The following ADGRL2 variants were observed in gnomAD, a reference collection of about 807,000 sequenced individuals.
ADGRL2 encodes the protein adhesion G protein-coupled receptor L2.
In ADGRL2, 44 loss-of-function variants were observed where a neutral mutation model predicts 157.4. The ratio of observed to expected loss-of-function variants is 0.28; its 90% CI spans 0.22 to 0.36. The LOEUF (loss-of-function observed/expected upper bound fraction) is 0.36, where lower values mean the gene tolerates loss of function less well. ADGRL2 is among the 10% of genes least tolerant of loss of function. The pLI is 1.00. For missense variants in ADGRL2, 1,510 were observed against 1,768.9 expected (o/e 0.85, Z 2.63); for synonymous variants, 585 against 624.7 (o/e 0.94, Z 0.95).
intron 3 of ADGRL2, among the ~76,000 whole-genome samples, chr1:81,603,961 TTTTC>T (rs951518485): frequency 3.0e-5 from 4 of 131,240 alleles, no homozygotes; most frequent in Non-Finnish European, 6.5e-5. Flanking sequence ...CCCAATATCT[TTTTC>T]TTTTTTTTTT....
chr1:81,390,764 T>A (rs1332746140), intron 1 of ADGRL2, among the ~76,000 whole-genome samples: 2 of 152,426 alleles, frequency 1.3e-5, no homozygotes, highest in East Asian at 3.9e-4. Context: ...ATCTTCTTTT[T>A]TGGTACTGCA....
At chr1:81,434,546 A>G (rs1345656492) in intron 1 of ADGRL2, among the ~76,000 whole-genome samples, 1 of 152,184 alleles carries the variant, frequency 6.6e-6, no homozygotes, top group Non-Finnish European at 1.5e-5. Context: ...TGAGTGAACT[A>G]GTGAATAAGT....
At chr1:81,716,777 G>T (rs1222888029) in intron 1 of ADGRL2, among the ~76,000 whole-genome samples, 1 of 152,148 alleles carries the variant, frequency 6.6e-6, no homozygotes, top group Admixed American at 6.5e-5. Flanking sequence ...TGGACAGAAG[G>T]TAAATTACAG....
intron 1 of ADGRL2, among the ~76,000 whole-genome samples, chr1:81,393,413 C>T (rs2076595463): frequency 6.6e-6 from 1 of 150,428 alleles, no homozygotes; most frequent in Non-Finnish European, 1.5e-5. Context: ...CATTCAAGAA[C>T]ATTTATAAAG....
At chr1:81,809,200 T>A (rs1343970506) in intron 1 of ADGRL2, among the ~76,000 whole-genome samples, 3 of 151,992 alleles carry the variant, frequency 2.0e-5, no homozygotes, top group Admixed American at 2.0e-4. Context: ...TCTTTGAATT[T>A]CAGTGTTGAA....
intron 2 of ADGRL2, among the ~76,000 whole-genome samples, chr1:81,537,884 G>C (rs2079783254): frequency 6.6e-6 from 1 of 151,900 alleles, no homozygotes; most frequent in Non-Finnish European, 1.5e-5. Context: ...ATTTTTAGTA[G>C]AGACAGGATT....
chr1:81,680,463 T>C (rs956564609), intron 3 of ADGRL2, among the ~76,000 whole-genome samples: 1 of 152,154 alleles, frequency 6.6e-6, no homozygotes, highest in Admixed American at 6.5e-5. Context: ...CTTAGGGCTA[T>C]GTAGAAATCT....
intron 1 of ADGRL2, among the ~76,000 whole-genome samples, chr1:81,739,390 C>T (rs2085001316): frequency 6.6e-6 from 1 of 152,096 alleles, no homozygotes; most frequent in African/African-American, 2.4e-5. Context: ...TAGTAATTGC[C>T]CAATAAATTA....
intron 1 of ADGRL2, among the ~76,000 whole-genome samples, chr1:81,325,721 C>T (rs1570625059): frequency 6.6e-6 from 1 of 152,278 alleles, no homozygotes; most frequent in African/African-American, 2.4e-5. Flanking sequence ...TCATGTTGTG[C>T]TTAAACTTAG....
intron 1 of ADGRL2, among the ~76,000 whole-genome samples, chr1:81,802,121 G>C (rs990092780): frequency 6.7e-6 from 1 of 150,254 alleles, no homozygotes; most frequent in African/African-American, 2.4e-5. Flanking sequence ...GGACCCGCTC[G>C]CGGCCGGCCT....
chr1:81,364,827 C>A (rs779884795), intron 1 of ADGRL2, among the ~76,000 whole-genome samples: 1 of 151,608 alleles, frequency 6.6e-6, no homozygotes, highest in African/African-American at 2.4e-5. Context: ...AGTCTCCTAG[C>A]GAATTTTTAT....
In ADGRL2 at chr1:81,831,957, C is replaced by T. The variant is rs113836009; in HGVS notation, c.-100-4928C>T. Among the ~76,000 whole-genome samples, 79 of 152,176 alleles carry T rather than the reference C, an allele frequency of 5.2e-4. 1 individual carries two copies. Among genetic ancestry groups the T allele is most frequent in the Middle Eastern group, 3.4e-3 (1 of 294 alleles). ...AGTAATTTCAGTTGAGTTATTTTAC[C>T]TCTCGGAGCCTCAGATTTCTGACCT... On this transcript the variant is annotated intron_variant, in intron 1 of 23. Coordinates refer to ENST00000686636, the MANE Select transcript of ADGRL2 (RefSeq NM_001366006.2).
intron 1 of ADGRL2, among the ~76,000 whole-genome samples, chr1:81,352,271 G>A (rs1662954584): frequency 6.6e-6 from 1 of 152,184 alleles, no homozygotes; most frequent in Non-Finnish European, 1.5e-5. Flanking sequence ...CATATCAGTG[G>A]ACATTCTGAT....
chr1:81,631,822 C>T (rs1227817573), intron 3 of ADGRL2, among the ~76,000 whole-genome samples: 4 of 152,084 alleles, frequency 2.6e-5, no homozygotes, highest in African/African-American at 9.7e-5. Context: ...TGGACCCCCA[C>T]CAAATCACAC....
intron 2 of ADGRL2, among the ~76,000 whole-genome samples, chr1:81,787,850 C>A (rs2087132666): frequency 6.6e-6 from 1 of 151,886 alleles, no homozygotes; most frequent in Non-Finnish European, 1.5e-5. Flanking sequence ...CATATACAAC[C>A]CTTTGAACAA....
At chr1:81,594,366 C>CA (rs1476362331) in intron 3 of ADGRL2, among the ~76,000 whole-genome samples, 11 of 152,122 alleles carry the variant, frequency 7.2e-5, no homozygotes, top group African/African-American at 2.4e-4. Flanking sequence ...CTGAAGAATT[C>CA]AAAGTGGAAA....
chr1:81,372,392 G>A (rs567472155), intron 1 of ADGRL2, among the ~76,000 whole-genome samples: 173 of 152,268 alleles, frequency 1.1e-3, no homozygotes, highest in African/African-American at 3.1e-3. Flanking sequence ...AAGGAGGGCC[G>A]AGATGGCAAA....
Position 81,943,163 on chromosome 1 carries a change from A to T in ADGRL2, c.604A>T (p.Thr202Ser). Residue 202 changes from threonine (T) to serine (S), a missense_variant, in exon 6 of 24, where the codon ACA becomes TCA. Thr to Ser is a moderately conservative substitution (Grantham distance 58, BLOSUM62 1). Transcript: ENST00000686636. This position sits in a 1 kb window ranked among gnomAD's most constrained non-coding sequence, Gnocchi z 5.6. Reference protein sequence around the residue: ...SLEDFQNSRQTTTYKLPNRVD... With the variant: ...SLEDFQNSRQSTTYKLPNRVD... ...AGAAGATTTCCAAAATAGTCGCCAA[A>T]CAACAACATATAAACTTCCAAATCG... 6.2e-7 allele frequency: 1 copy of T among 1,613,588 alleles called. No individual in the cohort carries two copies. The highest frequency in any genetic ancestry group is 2.2e-5 in the East Asian group (1 of 44,868).
chr1:81,384,559 T>C (rs1385024592), intron 1 of ADGRL2, among the ~76,000 whole-genome samples: 1 of 152,194 alleles, frequency 6.6e-6, no homozygotes, highest in Non-Finnish European at 1.5e-5. Flanking sequence ...AAAAAATGAA[T>C]CATTTTTCTT....
Sources: allele counts gnomAD v4.1 joint callset (sites outside exome capture counted in the v4.1 genomes callset), GRCh38; gene constraint gnomAD v4.1.1; non-coding constraint Gnocchi (gnomAD v3.1); transcripts MANE v1.5; gene names NCBI Gene and HGNC (gene_info 2026-07-23, HGNC 2026-07-21).